Variants in ANTXR1 observed in about 807,000 individuals in gnomAD.
ANTXR1 encodes the protein anthrax toxin receptor 1.
In ANTXR1, 19 loss-of-function variants were observed where a neutral mutation model predicts 78.1. That is an observed-to-expected ratio of 0.24 (90% CI 0.17 to 0.36). ANTXR1 has a LOEUF of 0.36. Ranked by LOEUF, ANTXR1 falls within the 10% of genes least tolerant of loss-of-function variation. The pLI, the probability that ANTXR1 is intolerant of heterozygous loss-of-function variation, is 1.00. For synonymous variants in ANTXR1, 273 were observed against 260.5 expected, an observed-to-expected ratio of 1.05 and a Z score of -0.46; for missense variants, 518 against 718.6, an observed-to-expected ratio of 0.72 and a Z score of 3.19.
At chr2:69,172,808 A>G (rs989543882) in intron 14 of ANTXR1, among the ~76,000 whole-genome samples, 2 of 152,244 alleles carry the variant, frequency 1.3e-5, no homozygotes, top group Non-Finnish European at 2.9e-5. Context: ...GAGGGTACAA[A>G]GAGAAATTAC....
At chr2:69,219,295 T>G (rs1204511657) in intron 17 of ANTXR1, among the ~76,000 whole-genome samples, 1 of 151,650 alleles carries the variant, frequency 6.6e-6, no homozygotes, top group Non-Finnish European at 1.5e-5. Flanking sequence ...CTCCTCAACC[T>G]GCCAGAAATT....
At chr2:69,235,651 C>CAAAAAAA (rs554310438) in intron 17 of ANTXR1, among the ~76,000 whole-genome samples, 17 of 58,192 alleles carry the variant, frequency 2.9e-4, no homozygotes, top group Non-Finnish European at 2.8e-4. Flanking sequence ...AACCCCGTCT[C>CAAAAAAA]AAAAAAAAAA....
At chr2:69,028,415 T>A (rs1386538981) in intron 1 of ANTXR1, among the ~76,000 whole-genome samples, 2 of 152,186 alleles carry the variant, frequency 1.3e-5, no homozygotes, top group Non-Finnish European at 2.9e-5. Context: ...TAATCTTTTA[T>A]GATGGATAAA....
At chr2:69,102,583 G>T (rs1425185434) in intron 9 of ANTXR1, among the ~76,000 whole-genome samples, 1 of 152,216 alleles carries the variant, frequency 6.6e-6, no homozygotes, top group Non-Finnish European at 1.5e-5. Context: ...GGTGTTCTGC[G>T]TTAGGAGGAC....
At chr2:69,166,468 G>GAC (rs1348700858) in intron 13 of ANTXR1, among the ~76,000 whole-genome samples, 2 of 152,064 alleles carry the variant, frequency 1.3e-5, no homozygotes, top group African/African-American at 4.8e-5. Context: ...GTGCAAAAGG[G>GAC]ACTCTAGGGC....
At chr2:69,115,133 T>C (rs1032095316) in intron 10 of ANTXR1, among the ~76,000 whole-genome samples, 1 of 152,210 alleles carries the variant, frequency 6.6e-6, no homozygotes, top group Admixed American at 6.5e-5. Flanking sequence ...TAGATGCCAA[T>C]AGCATTCCTC....
In ANTXR1 at chr2:69,102,746, C is replaced by T. The variant is rs1014318488; in HGVS notation, c.704-96C>T. 5 of 1,293,478 alleles carry T rather than the reference C, an allele frequency of 3.9e-6. No individual in the cohort carries two copies. In the African/African-American group the frequency reaches 4.4e-5, roughly 11 times the overall value. The allele number at this position is 1,293,478 out of a possible 1,614,324, so 80.1% of individuals were successfully genotyped here. ...AAATTAATTTTTGAATATTTTAAGC[C>T]TGGTGAAATAGTGAACAAATGCTCT... is the stretch of plus-strand genomic sequence containing the variant. On this transcript the variant is annotated intron_variant, in intron 9 of 17. Transcript: ENST00000303714.
At chr2:69,240,968 G>C (rs930501131) in intron 17 of ANTXR1, among the ~76,000 whole-genome samples, 3 of 152,196 alleles carry the variant, frequency 2.0e-5, no homozygotes, top group Non-Finnish European at 2.9e-5. Flanking sequence ...AGGAAGGCCA[G>C]CTGGCATCCT....
intron 17 of ANTXR1, among the ~76,000 whole-genome samples, chr2:69,239,615 G>C (rs1675849630): frequency 6.6e-6 from 1 of 152,210 alleles, no homozygotes; most frequent in African/African-American, 2.4e-5. Context: ...ACGTCATCTA[G>C]CCGGTACAAC....
chr2:69,171,712 A>G (rs900995713), intron 14 of ANTXR1, among the ~76,000 whole-genome samples: 17 of 152,250 alleles, frequency 1.1e-4, no homozygotes, highest in Admixed American at 6.5e-4. Context: ...CCCAGATCCA[A>G]CATCTAGCCT....
At chr2:69,222,557 A>G (rs978289591) in intron 17 of ANTXR1, among the ~76,000 whole-genome samples, 2 of 152,198 alleles carry the variant, frequency 1.3e-5, no homozygotes, top group South Asian at 2.1e-4. Flanking sequence ...TCATTTCCCC[A>G]GAGACCATTT....
chr2:69,181,254 T>C (rs1674268328), intron 14 of ANTXR1, among the ~76,000 whole-genome samples: 1 of 152,086 alleles, frequency 6.6e-6, no homozygotes, highest in Admixed American at 6.5e-5. Flanking sequence ...TTTAGATCTT[T>C]AAGTAGTAGC....
In ANTXR1 at chr2:69,073,827, A is replaced by G. The variant is rs2104219472; in HGVS notation, c.492+726A>G. On this transcript the variant is annotated intron_variant, in intron 6 of 17. Transcript: ENST00000303714. Reference sequence around the variant, plus strand: ...GGAAACAAGTTAACCATAGAAATGTACTGAAACTATAGCCTTATTAGTGAC... The same window carrying G: ...GGAAACAAGTTAACCATAGAAATGTGCTGAAACTATAGCCTTATTAGTGAC... Among the ~76,000 whole-genome samples the G allele has an allele frequency of 3.9e-5, 6 of 152,364 alleles. No individual in the cohort carries two copies. In the South Asian group the frequency reaches 1.0e-3, roughly 26 times the overall value.
intron 13 of ANTXR1, among the ~76,000 whole-genome samples, chr2:69,161,502 G>A (rs1173679396): frequency 1.3e-5 from 2 of 152,166 alleles, no homozygotes; most frequent in African/African-American, 4.8e-5. Context: ...AAAATTACTG[G>A]ATTCAGGCAG....
chr2:69,189,691 A>C (rs756665248), intron 16 of ANTXR1, among the ~76,000 whole-genome samples: 19 of 152,176 alleles, frequency 1.2e-4, no homozygotes, highest in Non-Finnish European at 2.8e-4. Context: ...CAGAGAGAAC[A>C]TTAACGAGAC....
At chr2:69,145,638 G>A in intron 12 of ANTXR1, 1 of 1,226,422 alleles carries the variant, frequency 8.2e-7, no homozygotes, top group Non-Finnish European at 1.0e-6. Flanking sequence ...TGGGCATCAG[G>A]CAGAATCCTG....
At chr2:69,191,702 G>A (rs897207092) in intron 16 of ANTXR1, among the ~76,000 whole-genome samples, 2 of 152,030 alleles carry the variant, frequency 1.3e-5, no homozygotes, top group African/African-American at 4.8e-5. Flanking sequence ...GGGCTTAAAG[G>A]GTTGCAACCC....
chr2:69,185,312 G>A (rs1674390926), intron 16 of ANTXR1, among the ~76,000 whole-genome samples: 1 of 152,168 alleles, frequency 6.6e-6, no homozygotes, highest in Non-Finnish European at 1.5e-5. Flanking sequence ...AGGCCGAGGA[G>A]GGTGGATCAC....
chr2:69,092,165 T>C (rs1671262641), intron 9 of ANTXR1, among the ~76,000 whole-genome samples: 1 of 152,216 alleles, frequency 6.6e-6, no homozygotes, highest in South Asian at 2.1e-4. Context: ...AAATATGTCA[T>C]ACAACCTGAT....
Sources: gnomAD v4.1 joint callset for allele counts (sites outside exome capture counted in the v4.1 genomes callset) on GRCh38, gnomAD v4.1.1 for gene constraint, MANE v1.5 for transcripts, NCBI Gene and HGNC (gene_info 2026-07-23, HGNC 2026-07-21) for gene names.